AFAP1L1: variants seen among roughly 807,000 people sequenced by gnomAD.
AFAP1L1 encodes the protein actin filament associated protein 1 like 1, also known as actin filament-associated protein 1-like 1.
A neutral mutation model predicts 99.8 loss-of-function variants in AFAP1L1; 77 were observed. That is an observed-to-expected ratio of 0.77 (90% CI 0.64 to 0.93). The LOEUF (loss-of-function observed/expected upper bound fraction) is 0.93. Ranked by LOEUF, AFAP1L1 falls within the 40% of genes least tolerant of loss-of-function variation. AFAP1L1 has a pLI of 0.00. For synonymous variants in AFAP1L1, 373 were observed against 395.3 expected (o/e 0.94, Z 0.67); for missense variants, 893 against 996.8 (o/e 0.90, Z 1.40).
rs1406707711 is a variant in AFAP1L1, at chr5:149,306,205, C to T, written c.437-101C>T. ...GAGCTGCTCAGAGTGCCTGCTGTCT[C>T]TTCCCTGAGGTGGAGCAGGGGTGTC... On this transcript the variant is annotated intron_variant, in intron 5 of 18. Transcript: ENST00000296721. The T allele has an allele frequency of 7.1e-6, 7 of 980,242 alleles. No homozygotes were observed. In the East Asian group the frequency reaches 1.9e-4, roughly 26 times the overall value. 60.7% of individuals were successfully genotyped at this position (980,242 alleles called of 1,614,324 possible).
chr5:149,318,662 G>C (rs1159684777), intron 12 of AFAP1L1, among the ~76,000 whole-genome samples: 1 of 152,102 alleles, frequency 6.6e-6, no homozygotes, highest in African/African-American at 2.4e-5. Context: ...TCTTACTCAC[G>C]GGCACTAGCC....
intron 1 of AFAP1L1, among the ~76,000 whole-genome samples, chr5:149,278,840 CCT>C (rs766720481): frequency 3.9e-5 from 6 of 152,136 alleles, no homozygotes; most frequent in African/African-American, 1.4e-4. Context: ...GGTGCTTGCC[CCT>C]CTCTCCCCTG....
chr5:149,301,561 C>A (rs1028284253), intron 4 of AFAP1L1, among the ~76,000 whole-genome samples: 1 of 152,174 alleles, frequency 6.6e-6, no homozygotes, highest in Admixed American at 6.5e-5. Flanking sequence ...GCCCAACTTC[C>A]GATTGCATAA....
intron 17 of AFAP1L1, among the ~76,000 whole-genome samples, chr5:149,333,166 G>C (rs1036385759): frequency 6.6e-6 from 1 of 152,202 alleles, no homozygotes; most frequent in Non-Finnish European, 1.5e-5. Context: ...GATGATAATA[G>C]TAGCCAGCAT....
chr5:149,305,771 G>C (rs1012120934), intron 5 of AFAP1L1, among the ~76,000 whole-genome samples: 1 of 152,070 alleles, frequency 6.6e-6, no homozygotes, highest in African/African-American at 2.4e-5. Flanking sequence ...TAAGAGGAAG[G>C]GCTGAGGTGG....
rs1268935515 is a variant in AFAP1L1 at position 149,315,805 on chromosome 5, C to T, written c.1021-16C>T. The T allele has an allele frequency of 1.2e-6, 2 of 1,609,692 alleles. No individual in the cohort carries two copies. The highest frequency in any genetic ancestry group is 3.3e-5 in the Admixed American group (2 of 60,000). ...AATGTGCCCTCTGATGAGGGACTGC[C>T]TGTGTCCCTCCTCAGAGGCTGTCCC... On this transcript the variant is annotated splice_polypyrimidine_tract_variant and intron_variant, in intron 9 of 18. Coordinates refer to ENST00000296721, the MANE Select transcript of AFAP1L1 (RefSeq NM_152406.4).
intron 1 of AFAP1L1, among the ~76,000 whole-genome samples, chr5:149,273,057 A>G (rs1220287401): frequency 2.0e-5 from 3 of 151,680 alleles, no homozygotes; most frequent in East Asian, 3.9e-4. Context: ...CCAGATGGGC[A>G]TGTGTGTGTC....
chr5:149,277,783 A>G (rs570851835), intron 1 of AFAP1L1, among the ~76,000 whole-genome samples: 12 of 152,280 alleles, frequency 7.9e-5, no homozygotes, highest in Non-Finnish European at 1.8e-4. Flanking sequence ...TTCATTTGGA[A>G]TGTCATAGCA....
At chr5:149,298,172 T>G (rs1756075055) in intron 1 of AFAP1L1, among the ~76,000 whole-genome samples, 1 of 151,914 alleles carries the variant, frequency 6.6e-6, no homozygotes, top group Non-Finnish European at 1.5e-5. Context: ...GTGTCTCCTG[T>G]TTCCTCAGGA....
intron 1 of AFAP1L1, among the ~76,000 whole-genome samples, chr5:149,279,859 A>G (rs1478158443): frequency 6.6e-6 from 1 of 152,170 alleles, no homozygotes; most frequent in Admixed American, 6.5e-5. Flanking sequence ...TCCTCAAGGC[A>G]ATGTTTCCCA....
intron 1 of AFAP1L1, among the ~76,000 whole-genome samples, chr5:149,298,738 G>A (rs1293570891): frequency 6.6e-6 from 1 of 152,142 alleles, no homozygotes; most frequent in African/African-American, 2.4e-5. Context: ...TCATGGTCTT[G>A]GCACACTGAA....
intron 18 of AFAP1L1, among the ~76,000 whole-genome samples, chr5:149,339,703 A>G (rs570381687): frequency 2.0e-5 from 3 of 152,332 alleles, no homozygotes; most frequent in African/African-American, 7.2e-5. Context: ...GGAACCATGG[A>G]TCTTGTTCTA....
intron 1 of AFAP1L1, chr5:149,276,590 G>T (rs1012374887): frequency 6.6e-6 from 1 of 152,164 alleles, no homozygotes; most frequent in African/African-American, 2.4e-5. Context: ...CTACTTCTTG[G>T]ATTTGTTATA....
intron 14 of AFAP1L1, 33 bp from the exon 15 acceptor site, chr5:149,322,573 T>A: frequency 6.6e-7 from 1 of 1,521,372 alleles, no homozygotes; most frequent in Non-Finnish European, 8.9e-7. Flanking sequence ...TGCGCCTGCC[T>A]GAACTTGACT....
At chr5:149,274,199 T>C (rs773549321) in intron 1 of AFAP1L1, among the ~76,000 whole-genome samples, 18 of 152,206 alleles carry the variant, frequency 1.2e-4, no homozygotes, top group Non-Finnish European at 2.4e-4. Flanking sequence ...AAGGAGTGGA[T>C]CTATTGTGAT....
chr5:149,302,138 G>A (rs1756241473), intron 4 of AFAP1L1, among the ~76,000 whole-genome samples: 1 of 152,214 alleles, frequency 6.6e-6, no homozygotes, highest in East Asian at 1.9e-4. Context: ...GTAGCTTCTG[G>A]TAATTCTGCA....
At chr5:149,317,506 C>T (rs993351420) in intron 11 of AFAP1L1, among the ~76,000 whole-genome samples, 4 of 152,136 alleles carry the variant, frequency 2.6e-5, no homozygotes, top group African/African-American at 9.7e-5. Flanking sequence ...TTGGTGTGGC[C>T]CAAAGGCTGT....
rs1425651782 is a variant in AFAP1L1, at chr5:149,302,543, T to C, written c.436+17T>C. On this transcript the variant is annotated intron_variant, in intron 5 of 18. Transcript: ENST00000296721. ...GCTCCCACAGTAAGTTCTGGTCCTC[T>C]TGGTGGGGCTGGGGACTTCCTGTCC... 6.4e-7 allele frequency: 1 copy of C among 1,558,294 alleles called. No individual in the cohort carries two copies.
chr5:149,326,996 AAG>A (rs954535750), intron 15 of AFAP1L1, among the ~76,000 whole-genome samples: 18 of 152,342 alleles, frequency 1.2e-4, no homozygotes, highest in African/African-American at 4.1e-4. Context: ...TGCATATCAA[AAG>A]ATACTACAAT....
Sources: gnomAD v4.1 joint callset for allele counts (sites outside exome capture counted in the v4.1 genomes callset) on GRCh38, gnomAD v4.1.1 for gene constraint, MANE v1.5 for transcripts, NCBI Gene and HGNC (gene_info 2026-07-23, HGNC 2026-07-21) for gene names.